Variants in ZDHHC7 observed in about 807,000 individuals in gnomAD.
ZDHHC7 encodes the protein zDHHC palmitoyltransferase 7.
Under a neutral mutation model 34.1 loss-of-function variants are expected in ZDHHC7, and 12 were observed. The ratio of observed to expected loss-of-function variants is 0.35; its 90% CI spans 0.23 to 0.57. The LOEUF (loss-of-function observed/expected upper bound fraction) is 0.57. ZDHHC7 is among the 20% of genes least tolerant of loss of function. ZDHHC7 has a pLI of 0.84. For synonymous variants in ZDHHC7, 185 were observed against 155.4 expected, an observed-to-expected ratio of 1.19 and a Z score of -1.42; for missense variants, 388 against 402.7, an observed-to-expected ratio of 0.96 and a Z score of 0.31.
intron 4 of ZDHHC7, among the ~76,000 whole-genome samples, chr16:84,979,948 C>A (rs2072345066): frequency 7.4e-6 from 1 of 135,136 alleles, no homozygotes; most frequent in Non-Finnish European, 1.5e-5. Flanking sequence ...CATAGCGTCA[C>A]CTTTTTTTTT....
At chr16:85,009,033 G>A (rs181178633) in intron 1 of ZDHHC7, among the ~76,000 whole-genome samples, 1,692 of 126,250 alleles carry the variant, frequency 0.013, 50 homozygotes, top group African/African-American at 0.056. Flanking sequence ...CAACAAGAGC[G>A]AAACTCCGTC....
the ZDHHC7 span, among the ~76,000 whole-genome samples, chr16:85,027,037 T>C: frequency 6.6e-6 from 1 of 152,170 alleles, no homozygotes; most frequent in Non-Finnish European, 1.5e-5. Context: ...TTTCTTTTAA[T>C]TGAGGAGACA....
intron 2 of ZDHHC7, among the ~76,000 whole-genome samples, chr16:84,992,222 C>A (rs535946586): frequency 6.6e-6 from 1 of 151,852 alleles, no homozygotes; most frequent in African/African-American, 2.4e-5. Flanking sequence ...GTAACCCCAG[C>A]GCTTTCAGAG....
intron 1 of ZDHHC7, among the ~76,000 whole-genome samples, chr16:85,001,400 G>T (rs1449520170): frequency 6.7e-6 from 1 of 148,682 alleles, no homozygotes; most frequent in African/African-American, 2.5e-5. Context: ...GAACCCTGGA[G>T]GCTGAGGTTG....
intron 3 of ZDHHC7, among the ~76,000 whole-genome samples, chr16:84,983,094 G>A (rs928446693): frequency 3.9e-5 from 6 of 152,246 alleles, no homozygotes; most frequent in Non-Finnish European, 8.8e-5. Context: ...GCCTCAAGAA[G>A]AGGAACAAGG....
chr16:84,976,877 T>A (rs1211456856), intron 7 of ZDHHC7, among the ~76,000 whole-genome samples: 1 of 152,242 alleles, frequency 6.6e-6, no homozygotes, highest in East Asian at 1.9e-4. Context: ...GCTGGGAATC[T>A]GCCTGGCTCT....
At position 84,990,608 on chromosome 16, in the gene ZDHHC7, G is replaced by A. The variant is rs1362190888; in HGVS notation, c.11C>T (p.Ser4Leu). The change falls in exon 3 of 8, where the codon TCA becomes TTA. Residue 4 changes from serine (S) to leucine (L), a missense_variant. Coordinates refer to ENST00000313732, the MANE Select transcript of ZDHHC7 (RefSeq NM_017740.3). MQP[S>L]GHRLRDVEHH... Reference sequence around the variant, plus strand: ...CTCGACGTCCCGGAGCCTGTGTCCTGATGGCTGCATGATTTCCCTGACGCA... The same window carrying A: ...CTCGACGTCCCGGAGCCTGTGTCCTAATGGCTGCATGATTTCCCTGACGCA... 2.2e-5 allele frequency: 35 copies of A among 1,613,330 alleles called. No homozygotes were observed. Among genetic ancestry groups the A allele is most frequent in the Non-Finnish European group, 2.7e-5 (32 of 1,179,570 alleles).
the ZDHHC7 span, among the ~76,000 whole-genome samples, chr16:85,024,254 C>CAA: frequency 8.2e-6 from 1 of 122,626 alleles, no homozygotes; most frequent in Non-Finnish European, 1.6e-5. Context: ...TTTTTTGAGA[C>CAA]AGAGTCTTGC....
intron 1 of ZDHHC7, among the ~76,000 whole-genome samples, chr16:85,004,621 G>A (rs1156655733): frequency 7.0e-6 from 1 of 143,012 alleles, no homozygotes; most frequent in African/African-American, 2.5e-5. Context: ...GCCTCTCCCT[G>A]GCTGCTTGTT....
intron 3 of ZDHHC7, chr16:84,988,998 GGA>G: frequency 2.2e-6 from 2 of 916,752 alleles, no homozygotes; most frequent in Non-Finnish European, 3.4e-6. Context: ...AGCCAAGGAA[GGA>G]GAGGGCGGAG....
At chr16:85,012,310 G>T (rs951412546), upstream of ZDHHC7, among the ~76,000 whole-genome samples, 14 of 151,198 alleles carry the variant, frequency 9.3e-5, no homozygotes, top group African/African-American at 3.4e-4. Flanking sequence ...CATGAACCCA[G>T]GAGGCGAAGG....
upstream of ZDHHC7, among the ~76,000 whole-genome samples, chr16:85,015,065 T>C (rs980834083): frequency 2.2e-4 from 33 of 151,750 alleles, no homozygotes; most frequent in African/African-American, 8.0e-4. Flanking sequence ...TTCATCAATG[T>C]GAAGCCTCCA....
chr16:85,006,344 G>C (rs1011225859), intron 1 of ZDHHC7, among the ~76,000 whole-genome samples: 1 of 152,024 alleles, frequency 6.6e-6, no homozygotes, highest in Admixed American at 6.6e-5. Context: ...GAGTAACAGA[G>C]AGAGACCCTG....
chr16:85,011,995 G>A (rs2072801019), upstream of ZDHHC7, among the ~76,000 whole-genome samples: 2 of 152,166 alleles, frequency 1.3e-5, no homozygotes, highest in Non-Finnish European at 1.5e-5. Flanking sequence ...TGAGGTCCGC[G>A]GAGCCCCCGG....
At chr16:85,027,518 C>T in the ZDHHC7 span, among the ~76,000 whole-genome samples, 1 of 152,228 alleles carries the variant, frequency 6.6e-6, no homozygotes, top group Non-Finnish European at 1.5e-5. Flanking sequence ...CGGGCCTGCC[C>T]CACCCACTCC....
intron 3 of ZDHHC7, among the ~76,000 whole-genome samples, chr16:84,985,202 T>TTCTGGTGCCCCTGCCCACA (rs1407747712): frequency 6.6e-6 from 1 of 152,218 alleles, no homozygotes; most frequent in Non-Finnish European, 1.5e-5. Flanking sequence ...CTGTTCCCTC[T>TTCTGGTGCCCCTGCCCACA]TCTGGTGCCC....
In ZDHHC7 at chr16:85,011,124, G is replaced by A. The variant is rs917432766; in HGVS notation, c.-104+162C>T. Among the ~76,000 whole-genome samples, 36 of 152,356 alleles carry A rather than the reference G, an allele frequency of 2.4e-4. No homozygotes were observed. The South Asian group carries it at 2.5e-3, about 11-fold the overall frequency. ...GGGGCACCTGGAAGGGAAGTCAGGT[G>A]CGGGCACGGAGGTGCCCCTAGGAAC... On this transcript the variant is annotated intron_variant, in intron 1 of 7. Coordinates refer to ENST00000313732, the MANE Select transcript of ZDHHC7 (RefSeq NM_017740.3).
intron 1 of ZDHHC7, among the ~76,000 whole-genome samples, chr16:84,997,114 A>G (rs1223253784): frequency 1.3e-5 from 2 of 152,240 alleles, no homozygotes; most frequent in East Asian, 1.9e-4. Context: ...CGCACAATGC[A>G]CAGAGAAGAA....
At chr16:85,014,086 C>T (rs1223487733), upstream of ZDHHC7, among the ~76,000 whole-genome samples, 6 of 152,166 alleles carry the variant, frequency 3.9e-5, no homozygotes, top group Non-Finnish European at 7.3e-5. Context: ...ATAATCTTTG[C>T]GCCCATTTTA....
Sources: gnomAD v4.1 joint callset for allele counts (sites outside exome capture counted in the v4.1 genomes callset) on GRCh38, gnomAD v4.1.1 for gene constraint, MANE v1.5 for transcripts, NCBI Gene and HGNC (gene_info 2026-07-23, HGNC 2026-07-21) for gene names.